The following UBAP1 variants were observed in gnomAD, a reference collection of about 807,000 sequenced individuals.
UBAP1 encodes ubiquitin-associated protein 1.
In UBAP1, 5 loss-of-function variants were observed where a neutral mutation model predicts 39.0. The observed-to-expected ratio is 0.13, with a 90% CI of 0.07 to 0.27. UBAP1 has a LOEUF of 0.27. UBAP1 is among the 10% of genes least tolerant of loss of function. The probability of loss-of-function intolerance (pLI) is 1.00; values close to 1 mark genes in which losing one functional copy is unlikely to be tolerated. For missense variants in UBAP1, 490 were observed against 608.1 expected (o/e 0.81, Z 2.04); for synonymous variants, 211 against 225.1 (o/e 0.94, Z 0.56).
intron 3 of UBAP1, among the ~76,000 whole-genome samples, chr9:34,238,716 T>C (rs1050177825): frequency 6.6e-6 from 1 of 152,232 alleles, no homozygotes; most frequent in Non-Finnish European, 1.5e-5. Flanking sequence ...CGTTTTTCCA[T>C]GTTTTATTTG....
Position 34,234,318 on chromosome 9 carries a change from T to G in UBAP1, c.137T>G (p.Leu46Trp). The G allele has an allele frequency of 6.2e-7, 1 of 1,606,476 alleles. No individual in the cohort carries two copies. The highest frequency in any genetic ancestry group is 1.1e-5 in the South Asian group (1 of 88,686). ...ATTGGCTTCTCCTTGCCTGATTGTT[T>G]GCAGGTTGTCAGAGAAGTACAGGTA... Reference protein sequence around the residue: ...LPIGFSLPDCLQVVREVQYDF... With the variant: ...LPIGFSLPDCWQVVREVQYDF... The change falls in exon 3 of 7, where the codon TTG becomes TGG. Residue 46 changes from leucine (L) to tryptophan (W), a missense_variant. Coordinates refer to ENST00000297661, the MANE Select transcript of UBAP1 (RefSeq NM_016525.5).
chr9:34,182,393 C>T (rs1281808295), intron 1 of UBAP1, among the ~76,000 whole-genome samples: 1 of 151,702 alleles, frequency 6.6e-6, no homozygotes, highest in Non-Finnish European at 1.5e-5. Flanking sequence ...CAACGTTGGC[C>T]AGGCTGGTCT....
At chr9:34,202,223 G>A (rs1831413216) in intron 1 of UBAP1, among the ~76,000 whole-genome samples, 1 of 152,048 alleles carries the variant, frequency 6.6e-6, no homozygotes, top group Non-Finnish European at 1.5e-5. Flanking sequence ...GGAGTGCAGT[G>A]GCACCATCTT....
At chr9:34,188,277 G>T (rs1041330466) in intron 1 of UBAP1, among the ~76,000 whole-genome samples, 1 of 152,060 alleles carries the variant, frequency 6.6e-6, no homozygotes, top group South Asian at 2.1e-4. Flanking sequence ...TTGGGAATCC[G>T]TACTTATGTA....
intron 1 of UBAP1, among the ~76,000 whole-genome samples, chr9:34,207,392 TAAA>T (rs1275308501): frequency 1.5e-5 from 2 of 135,482 alleles, no homozygotes; most frequent in African/African-American, 2.7e-5. Flanking sequence ...CTTGTCTAAT[TAAA>T]AAAAAAAAAA....
At chr9:34,250,202 C>G (rs372325082) in intron 5 of UBAP1, among the ~76,000 whole-genome samples, 5 of 152,294 alleles carry the variant, frequency 3.3e-5, no homozygotes, top group South Asian at 4.1e-4. Context: ...CCAACTACCC[C>G]CTCCTTTCTC....
chr9:34,237,491 G>T (rs1027937816), intron 3 of UBAP1, among the ~76,000 whole-genome samples: 1 of 151,940 alleles, frequency 6.6e-6, no homozygotes, highest in Admixed American at 6.6e-5. Context: ...GGGAACTTCA[G>T]TTACTTTTGG....
At chr9:34,238,095 A>G (rs897911749) in intron 3 of UBAP1, among the ~76,000 whole-genome samples, 7 of 151,582 alleles carry the variant, frequency 4.6e-5, no homozygotes, top group African/African-American at 1.7e-4. Flanking sequence ...GCCATTTCAT[A>G]TAAATGGAAT....
At chr9:34,232,593 A>AAC (rs1833481578) in intron 2 of UBAP1, among the ~76,000 whole-genome samples, 1 of 152,180 alleles carries the variant, frequency 6.6e-6, no homozygotes, top group Non-Finnish European at 1.5e-5. Flanking sequence ...AGTAGGGGGC[A>AAC]TTCTTCCTAA....
At chr9:34,210,875 G>A (rs1029892659) in intron 1 of UBAP1, among the ~76,000 whole-genome samples, 5 of 150,074 alleles carry the variant, frequency 3.3e-5, no homozygotes, top group African/African-American at 1.2e-4. Flanking sequence ...TGAATAATTT[G>A]TCAACCTTTG....
At chr9:34,188,727 C>T (rs1204628646) in intron 1 of UBAP1, among the ~76,000 whole-genome samples, 8 of 152,006 alleles carry the variant, frequency 5.3e-5, no homozygotes, top group Non-Finnish European at 8.8e-5. Flanking sequence ...GAGGCTGAGG[C>T]GTGTGGATCA....
At chr9:34,209,621 A>G (rs1031185920) in intron 1 of UBAP1, among the ~76,000 whole-genome samples, 8 of 152,188 alleles carry the variant, frequency 5.3e-5, no homozygotes, top group African/African-American at 1.9e-4. Context: ...AGTCATTTGT[A>G]TGCTTACTGG....
chr9:34,191,992 T>C (rs965796008), intron 1 of UBAP1: 8 of 151,330 alleles, frequency 5.3e-5, no homozygotes, highest in African/African-American at 1.9e-4. Context: ...TTTTTTAAAT[T>C]TAAAAAAAAT....
intron 1 of UBAP1, among the ~76,000 whole-genome samples, chr9:34,214,387 C>G (rs1832184741): frequency 6.6e-6 from 1 of 152,148 alleles, no homozygotes; most frequent in Non-Finnish European, 1.5e-5. Context: ...GCCAATTGAT[C>G]TTCGACAAAG....
Position 34,249,825 on chromosome 9 carries a change from G to C in UBAP1, c.1130G>C (p.Ser377Thr), listed in dbSNP as rs1339171964. Residue 377 changes from serine (S) to threonine (T), a missense_variant, in exon 5 of 7, where the codon AGC becomes ACC. Physicochemically the swap from Ser to Thr is moderately conservative, Grantham distance 58. Transcript: ENST00000297661. ...GTGTCACAAGTGCCCAACATGCCCA[G>C]CTGTCCCCAGGCCTATTCTGAACTG... ...FSVSQVPNMP[S>T]CPQAYSELQM... 1 of 1,614,182 alleles carries C rather than the reference G, an allele frequency of 6.2e-7. No homozygotes were observed. The highest frequency in any genetic ancestry group is 1.1e-5 in the South Asian group (1 of 91,084).
Position 34,234,285 on chromosome 9 carries a change from G to A in UBAP1, c.104G>A (p.Gly35Asp), listed in dbSNP as rs1205697301. Residue 35 changes from glycine (G) to aspartate (D), a missense_variant, in exon 3 of 7, where the codon GGT becomes GAT. Around this residue, in one of 3 missense-constraint regions of UBAP1, gnomAD observed 144 missense variants for 184.4 expected, o/e 0.78. Transcript: ENST00000297661. Reference sequence around the variant, plus strand: ...AAATTCAAAACACCAGCTAAAGTTGGTCTACCTATTGGCTTCTCCTTGCCT... The same window carrying A: ...AAATTCAAAACACCAGCTAAAGTTGATCTACCTATTGGCTTCTCCTTGCCT... ...GDKFKTPAKV[G>D]LPIGFSLPDC... 1 of 1,613,260 alleles carries A rather than the reference G, an allele frequency of 6.2e-7. No individual in the cohort carries two copies. Among genetic ancestry groups the A allele is most frequent in the Admixed American group, 1.7e-5 (1 of 59,682 alleles).
intron 1 of UBAP1, among the ~76,000 whole-genome samples, chr9:34,216,513 T>C (rs1356797134): frequency 6.6e-6 from 1 of 151,978 alleles, no homozygotes; most frequent in Non-Finnish European, 1.5e-5. Context: ...TTTTTAGAGC[T>C]GGGGTCTCAC....
At chr9:34,205,331 A>G (rs560537063) in intron 1 of UBAP1, among the ~76,000 whole-genome samples, 6 of 152,294 alleles carry the variant, frequency 3.9e-5, no homozygotes, top group Admixed American at 1.3e-4. Context: ...CTTTGAAGTC[A>G]TGACTCCCAT....
chr9:34,243,707 C>T (rs1174614392), intron 4 of UBAP1, among the ~76,000 whole-genome samples: 2 of 152,042 alleles, frequency 1.3e-5, no homozygotes, highest in African/African-American at 4.8e-5. Context: ...CCAGGCTGGT[C>T]TGGAACTCCT....
Sources: allele counts gnomAD v4.1 joint callset (sites outside exome capture counted in the v4.1 genomes callset), GRCh38; gene constraint gnomAD v4.1.1; regional missense constraint gnomAD v4.1.1; transcripts MANE v1.5; gene names NCBI Gene and HGNC (gene_info 2026-07-23, HGNC 2026-07-21).